The following COL19A1 variants were observed in gnomAD, a reference collection of about 807,000 sequenced individuals.
The protein encoded by COL19A1 is collagen type XIX alpha 1 chain.
In COL19A1, 159 loss-of-function variants were observed where a neutral mutation model predicts 190.2. The observed-to-expected ratio is 0.84, with a 90% confidence interval of 0.73 to 0.95. The LOEUF (loss-of-function observed/expected upper bound fraction) is 0.95, where lower values mean the gene tolerates loss of function less well. Among genes scored for constraint, COL19A1 ranks in the 40% least tolerant of loss-of-function variants. COL19A1 has a pLI of 0.00. For synonymous variants in COL19A1, 509 were observed against 458.9 expected, an observed-to-expected ratio of 1.11 and a Z score of -1.39; for missense variants, 1,418 against 1,431.9, an observed-to-expected ratio of 0.99 and a Z score of 0.16.
chr6:70,160,660 G>C (rs531618369), intron 34 of COL19A1, among the ~76,000 whole-genome samples: 1 of 152,246 alleles, frequency 6.6e-6, no homozygotes, highest in East Asian at 1.9e-4. Context: ...CACCACTGCA[G>C]TGTGATATAA....
At chr6:70,110,274 T>C (rs931131499) in intron 16 of COL19A1, among the ~76,000 whole-genome samples, 79 of 152,140 alleles carry the variant, frequency 5.2e-4, no homozygotes, top group African/African-American at 1.9e-3. Context: ...TTCTAGAAGC[T>C]TGAACTGATC....
intron 2 of COL19A1, among the ~76,000 whole-genome samples, chr6:69,889,715 C>T (rs1769204151): frequency 2.0e-5 from 3 of 152,288 alleles, no homozygotes; most frequent in South Asian, 4.2e-4. Context: ...ACGCACCAAT[C>T]AGCGCTCTGT....
At chr6:70,155,635 A>C (rs955555456) in intron 31 of COL19A1, among the ~76,000 whole-genome samples, 1 of 152,178 alleles carries the variant, frequency 6.6e-6, no homozygotes, top group African/African-American at 2.4e-5. Flanking sequence ...ATGTTAGTAA[A>C]CTGTATGTAG....
At chr6:70,037,179 A>G (rs1410101980) in intron 14 of COL19A1, among the ~76,000 whole-genome samples, 3 of 152,028 alleles carry the variant, frequency 2.0e-5, no homozygotes, top group Non-Finnish European at 4.4e-5. Flanking sequence ...TTTTTGAGAC[A>G]GAGTCTTGCT....
chr6:69,900,572 G>T (rs977159136), intron 4 of COL19A1, among the ~76,000 whole-genome samples: 1 of 151,832 alleles, frequency 6.6e-6, no homozygotes, highest in Non-Finnish European at 1.5e-5. Flanking sequence ...GATCATTAGA[G>T]AACAGTAATT....
At chr6:69,932,703 A>T in intron 6 of COL19A1, 80 bp from the exon 7 acceptor site, 4 of 725,042 alleles carry the variant, frequency 5.5e-6, no homozygotes, top group Admixed American at 5.7e-5. Context: ...TTTCTTTCTG[A>T]TTAAATTACT....
At chr6:70,087,698 C>T (rs1190883620) in intron 15 of COL19A1, among the ~76,000 whole-genome samples, 2 of 152,164 alleles carry the variant, frequency 1.3e-5, no homozygotes, top group Non-Finnish European at 2.9e-5. Context: ...AGTCTGAAAA[C>T]TTCAATTCTA....
chr6:69,920,647 A>G (rs1031614111), intron 4 of COL19A1, among the ~76,000 whole-genome samples: 1 of 151,920 alleles, frequency 6.6e-6, no homozygotes, highest in Non-Finnish European at 1.5e-5. Context: ...TATATTGAAC[A>G]TTTTGTTAAT....
intron 12 of COL19A1, among the ~76,000 whole-genome samples, chr6:70,032,644 C>T (rs1359569684): frequency 1.3e-5 from 2 of 151,760 alleles, no homozygotes; most frequent in Non-Finnish European, 2.9e-5. Context: ...ACATTTTTTT[C>T]TTATACTAAA....
chr6:70,181,228 A>G (rs1298189262), intron 44 of COL19A1, among the ~76,000 whole-genome samples: 2 of 152,214 alleles, frequency 1.3e-5, no homozygotes, highest in Non-Finnish European at 2.9e-5. Flanking sequence ...GTCGAGGTGA[A>G]CAAACAGTGC....
chr6:69,978,671 T>G (rs1775862572), intron 11 of COL19A1, among the ~76,000 whole-genome samples: 1 of 151,632 alleles, frequency 6.6e-6, no homozygotes, highest in Non-Finnish European at 1.5e-5. Flanking sequence ...TGCTTTTATC[T>G]TATATAATAA....
intron 14 of COL19A1, among the ~76,000 whole-genome samples, chr6:70,039,616 CT>C (rs931740449): frequency 1.3e-5 from 2 of 152,162 alleles, no homozygotes; most frequent in African/African-American, 4.8e-5. Flanking sequence ...CTTTTTCCCC[CT>C]CTAAGCCATA....
intron 11 of COL19A1, among the ~76,000 whole-genome samples, chr6:69,999,230 T>A (rs1011995102): frequency 1.3e-5 from 2 of 151,342 alleles, no homozygotes; most frequent in African/African-American, 4.8e-5. Flanking sequence ...GCCTTCTTTT[T>A]TAATTGCTAA....
intron 19 of COL19A1, among the ~76,000 whole-genome samples, chr6:70,139,110 G>C (rs561202658): frequency 6.6e-6 from 1 of 152,098 alleles, no homozygotes; most frequent in South Asian, 2.1e-4. Context: ...TTTTAGAGCA[G>C]AAAGGAGAAA....
At chr6:70,171,629 G>A (rs1349806800) in intron 40 of COL19A1, among the ~76,000 whole-genome samples, 1 of 152,042 alleles carries the variant, frequency 6.6e-6, no homozygotes, top group African/African-American at 2.4e-5. Context: ...TCACAAATTG[G>A]CAAACTTTAT....
chr6:70,119,896 G>A (rs989285642), intron 16 of COL19A1, among the ~76,000 whole-genome samples: 3 of 152,194 alleles, frequency 2.0e-5, no homozygotes, highest in African/African-American at 7.2e-5. Flanking sequence ...TTCAAGACCA[G>A]CCTGGCCAAC....
intron 23 of COL19A1, among the ~76,000 whole-genome samples, chr6:70,143,725 T>G (rs1267303212): frequency 1.3e-5 from 2 of 151,874 alleles, no homozygotes; most frequent in Non-Finnish European, 2.9e-5. Flanking sequence ...TAGATAAACC[T>G]AGTGGACAGA....
intron 9 of COL19A1, among the ~76,000 whole-genome samples, chr6:69,940,589 T>C (rs537829137): frequency 7.9e-5 from 12 of 152,312 alleles, no homozygotes; most frequent in African/African-American, 2.9e-4. Context: ...CTGCAGTATG[T>C]TTTAAGAATA....
In COL19A1 at chr6:69,929,456, T is replaced by C. The variant is rs760860605; in HGVS notation, c.422T>C (p.Val141Ala). The C allele has an allele frequency of 1.2e-6, 2 of 1,613,912 alleles. No homozygotes were observed. The highest frequency in any genetic ancestry group is 2.7e-5 in the African/African-American group (2 of 75,030). ...ATAGTAGTTGATGGTGGAAAGAAGG[T>C]GGTGGAATTTATGTTTCAAGCCACA... ...ISIVVDGGKKVVEFMFQATEG... is the reference protein window; with the variant it reads ...ISIVVDGGKKAVEFMFQATEG... The change falls in exon 6 of 51, where the codon GTG (valine) becomes GCG (alanine). Residue 141 changes from valine to alanine, a missense_variant. Physicochemically the swap from Val to Ala is moderately conservative, Grantham distance 64. Transcript: ENST00000620364.
Sources: gnomAD v4.1 joint callset for allele counts (sites outside exome capture counted in the v4.1 genomes callset) on GRCh38, gnomAD v4.1.1 for gene constraint, MANE v1.5 for transcripts, NCBI Gene and HGNC (gene_info 2026-07-23, HGNC 2026-07-21) for gene names.